The following CDH13 variants were observed in gnomAD, a reference collection of about 807,000 sequenced individuals.
CDH13 encodes cadherin 13.
CDH13 carries 24 observed loss-of-function variants against 63.8 expected under a neutral mutation model. That is an observed-to-expected ratio of 0.38 (90% CI 0.27 to 0.53). The LOEUF (loss-of-function observed/expected upper bound fraction) is 0.53, where lower values mean the gene tolerates loss of function less well. Among genes scored for constraint, CDH13 ranks in the 20% least tolerant of loss-of-function variants. CDH13 has a pLI of 0.85. For synonymous variants in CDH13, 503 were observed against 355.3 expected (o/e 1.42, Z -4.67); for missense variants, 1,049 against 903.1 (o/e 1.16, Z -2.07).
At chr16:83,476,644 GC>G (rs1433071889) in intron 6 of CDH13, among the ~76,000 whole-genome samples, 4 of 152,104 alleles carry the variant, frequency 2.6e-5, no homozygotes, top group Non-Finnish European at 5.9e-5. Flanking sequence ...CTGCACTCCA[GC>G]CTGCACTCCA....
At chr16:82,699,469 C>T (rs1392517139) in intron 1 of CDH13, among the ~76,000 whole-genome samples, 2 of 152,236 alleles carry the variant, frequency 1.3e-5, no homozygotes, top group South Asian at 2.1e-4. Flanking sequence ...GAAGGTGAGG[C>T]AGCCGATTCC....
In CDH13 at chr16:82,695,512, T is replaced by A. The variant is rs1399181076; in HGVS notation, c.45+68375T>A. ...AGCAGGAAGGACTTCACCTCTTGTC[T>A]GTCCCTTAGCTTTGGTGTGTGCTGC... On this transcript the variant is annotated intron_variant, in intron 1 of 13. Coordinates refer to ENST00000567109, the MANE Select transcript of CDH13 (RefSeq NM_001257.5). 5.9e-5 allele frequency among the ~76,000 whole-genome samples: 9 copies of A among 152,188 alleles called. No individual in the cohort carries two copies. The East Asian group carries it at 1.7e-3, about 29-fold the overall frequency.
intron 3 of CDH13, among the ~76,000 whole-genome samples, chr16:83,091,920 C>T (rs747019014): frequency 2.6e-5 from 4 of 152,206 alleles, no homozygotes; most frequent in Non-Finnish European, 5.9e-5. Context: ...GTATCTTTCA[C>T]ACCTGTGTGC....
At chr16:83,625,401 G>C (rs1910207314) in intron 8 of CDH13, among the ~76,000 whole-genome samples, 1 of 152,050 alleles carries the variant, frequency 6.6e-6, no homozygotes. Context: ...ACAGTTGGAG[G>C]GTCACCCATT....
At chr16:82,714,600 G>C (rs888760826) in intron 1 of CDH13, among the ~76,000 whole-genome samples, 1 of 149,000 alleles carries the variant, frequency 6.7e-6, no homozygotes, top group African/African-American at 2.5e-5. Flanking sequence ...TGTAGTTTCA[G>C]CTACTCAGGA....
At chr16:83,735,571 CTT>C (rs1408074850) in intron 10 of CDH13, 1 of 152,174 alleles carries the variant, frequency 6.6e-6, no homozygotes, top group African/African-American at 2.4e-5. Context: ...GAATTTGACT[CTT>C]TTAGATTCCA....
At chr16:83,414,947 G>A (rs2092178853) in intron 6 of CDH13, among the ~76,000 whole-genome samples, 1 of 152,078 alleles carries the variant, frequency 6.6e-6, no homozygotes, top group African/African-American at 2.4e-5. Context: ...CAAATACCCA[G>A]AAGTGGGTTG....
rs71148803 is a variant in CDH13, at chr16:83,015,677, G to GTATATATATATA, written c.158-16298_158-16287dup. Among the ~76,000 whole-genome samples, 317 of 37,514 alleles carry GTATATATATATA rather than the reference G, an allele frequency of 8.5e-3. 15 individuals are homozygous for GTATATATATATA. The highest frequency in any genetic ancestry group is 9.5e-3 in the East Asian group (5 of 526). 24.6% of individuals were successfully genotyped at this position (37,514 alleles called of 152,430 possible). On this transcript the variant is annotated intron_variant, in intron 2 of 13. Transcript: ENST00000567109. ...CATATATGTGTGTGTGTGTGTGTAT[G>GTATATATATATA]TATATATATATATATATATATATAT...
At chr16:82,738,474 C>A (rs1245308564) in intron 1 of CDH13, among the ~76,000 whole-genome samples, 1 of 152,212 alleles carries the variant, frequency 6.6e-6, no homozygotes, top group Non-Finnish European at 1.5e-5. Context: ...GCTTTTAGCA[C>A]ATCACCTTTC....
chr16:82,705,415 G>A, intron 1 of CDH13: 1 of 247,616 alleles, frequency 4.0e-6, no homozygotes, highest in South Asian at 4.7e-5. Context: ...GCCTCTAGTG[G>A]TCCATATGCA....
At chr16:83,108,484 A>G (rs1351673235) in intron 3 of CDH13, among the ~76,000 whole-genome samples, 3 of 152,208 alleles carry the variant, frequency 2.0e-5, no homozygotes, top group East Asian at 1.9e-4. Flanking sequence ...CTCCCGCCTC[A>G]TAGATTGAAT....
At chr16:83,128,825 C>T (rs1429750397) in intron 4 of CDH13, among the ~76,000 whole-genome samples, 1 of 152,188 alleles carries the variant, frequency 6.6e-6, no homozygotes, top group Admixed American at 6.5e-5. Context: ...CTCACTTCTT[C>T]TTAGCCCCTT....
At chr16:82,834,683 T>C (rs982790527) in intron 1 of CDH13, among the ~76,000 whole-genome samples, 8 of 152,196 alleles carry the variant, frequency 5.3e-5, no homozygotes, top group African/African-American at 1.9e-4. Context: ...TAAATGTCTG[T>C]CTGCTCACGC....
intron 4 of CDH13, chr16:83,181,098 T>G (rs1324603014): frequency 8.4e-7 from 1 of 1,194,172 alleles, no homozygotes; most frequent in Non-Finnish European, 1.1e-6. Context: ...GACTGAATTT[T>G]GATCACATTA....
chr16:82,728,652 G>A (rs2033231792), intron 1 of CDH13, among the ~76,000 whole-genome samples: 1 of 152,132 alleles, frequency 6.6e-6, no homozygotes, highest in Non-Finnish European at 1.5e-5. Flanking sequence ...GACATTGATG[G>A]TTTCTGGCTG....
chr16:83,603,121 G>C (rs1249194223), intron 8 of CDH13, among the ~76,000 whole-genome samples: 1 of 152,162 alleles, frequency 6.6e-6, no homozygotes, highest in African/African-American at 2.4e-5. Context: ...CATGGTTGTT[G>C]TTTCCCATTT....
At chr16:82,882,734 C>T (rs931748319) in intron 2 of CDH13, among the ~76,000 whole-genome samples, 5 of 151,882 alleles carry the variant, frequency 3.3e-5, no homozygotes, top group Non-Finnish European at 7.4e-5. Context: ...ATGTCTAATA[C>T]ATACAAAATC....
At chr16:83,554,475 G>A (rs1414031727) in intron 7 of CDH13, among the ~76,000 whole-genome samples, 3 of 152,156 alleles carry the variant, frequency 2.0e-5, no homozygotes, top group South Asian at 2.1e-4. Flanking sequence ...AAGGGAACAC[G>A]AACTTCTGCA....
intron 1 of CDH13, among the ~76,000 whole-genome samples, chr16:82,842,110 A>ATATG (rs1175509567): frequency 1.0e-4 from 6 of 59,564 alleles, no homozygotes; most frequent in African/African-American, 4.1e-4. Flanking sequence ...ATATATATAT[A>ATATG]TGTATATATA....
Sources: allele counts gnomAD v4.1 joint callset (sites outside exome capture counted in the v4.1 genomes callset), GRCh38; gene constraint gnomAD v4.1.1; transcripts MANE v1.5; gene names NCBI Gene and HGNC (gene_info 2026-07-23, HGNC 2026-07-21).